Variants in ANXA7 observed in about 807,000 individuals in gnomAD.
The protein encoded by ANXA7 is annexin VII.
ANXA7 carries 55 observed loss-of-function variants against 64.9 expected under a neutral mutation model. That is an observed-to-expected ratio of 0.85 (90% CI 0.68 to 1.06). The LOEUF (loss-of-function observed/expected upper bound fraction) is 1.06. Among genes scored for constraint, ANXA7 ranks in the 50% least tolerant of loss-of-function variants. The probability of loss-of-function intolerance (pLI) is 0.00; values close to 1 mark genes in which losing one functional copy is unlikely to be tolerated. For missense variants in ANXA7, 548 were observed against 582.1 expected, an observed-to-expected ratio of 0.94 and a Z score of 0.60; for synonymous variants, 200 against 192.4, an observed-to-expected ratio of 1.04 and a Z score of -0.33.
chr10:73,380,941 G>A (rs911982768), intron 9 of ANXA7, among the ~76,000 whole-genome samples: 1 of 152,194 alleles, frequency 6.6e-6, no homozygotes, highest in Non-Finnish European at 1.5e-5. Context: ...GGACACAGGA[G>A]AGACAGGGTC....
At position 73,406,853 on chromosome 10, in the gene ANXA7, G is replaced by A. The variant is rs185107859; in HGVS notation, c.-1-5996C>T. On this transcript the variant is annotated intron_variant, in intron 1 of 12. Transcript: ENST00000372921. ...CCCAAAGTGCTAGGATTACAGGCATGAGCCACCACACCCACCCTCTATTTA... is the reference window on the plus strand; with the variant it reads ...CCCAAAGTGCTAGGATTACAGGCATAAGCCACCACACCCACCCTCTATTTA... Among the ~76,000 whole-genome samples, 18 of 152,178 alleles carry A rather than the reference G, an allele frequency of 1.2e-4. No individual in the cohort carries two copies. In the East Asian group the frequency reaches 3.5e-3, roughly 29 times the overall value.
In ANXA7 at chr10:73,387,701, G is replaced by C; in HGVS notation, c.621C>G (p.Thr207=). The C allele has an allele frequency of 1.2e-6, 2 of 1,613,736 alleles. No individual in the cohort carries two copies. Among genetic ancestry groups the C allele is most frequent in the East Asian group, 4.5e-5 (2 of 44,870 alleles). The change falls in exon 7 of 13, where the codon ACC becomes ACG. Residue 207 remains threonine, a synonymous_variant. Transcript: ENST00000372921. ...QRQKIKAAFK[T]SYGKDLIKDL... is the part of the protein sequence containing the mutation. ...AAGAAAAACATACCTTGCCATAGGA[G>C]GTCTTAAATGCTGCTTTAATTTTTT...
At chr10:73,408,954 A>G (rs535857986) in intron 1 of ANXA7, among the ~76,000 whole-genome samples, 1 of 152,360 alleles carries the variant, frequency 6.6e-6, no homozygotes, top group African/African-American at 2.4e-5. Context: ...CAGAAAAAGC[A>G]TTCAACAAAA....
At chr10:73,391,146 G>A (rs556146795) in intron 5 of ANXA7, among the ~76,000 whole-genome samples, 2 of 148,092 alleles carry the variant, frequency 1.4e-5, no homozygotes, top group East Asian at 4.1e-4. Flanking sequence ...CTCTAGCCTG[G>A]CAACAGAGTG....
chr10:73,412,196 C>T (rs1418246054), intron 1 of ANXA7, among the ~76,000 whole-genome samples: 1 of 151,972 alleles, frequency 6.6e-6, no homozygotes, highest in Admixed American at 6.6e-5. Context: ...GCCACCACGC[C>T]CGGCTAATTT....
At chr10:73,387,954 C>A (rs1018014720) in intron 6 of ANXA7, among the ~76,000 whole-genome samples, 171 bp from the exon 7 acceptor site, 2 of 150,534 alleles carry the variant, frequency 1.3e-5, no homozygotes, top group African/African-American at 4.9e-5. Context: ...CAGGTTCAAG[C>A]AATTCTCCTG....
intron 1 of ANXA7, among the ~76,000 whole-genome samples, chr10:73,411,942 CTT>C (rs1433498000): frequency 6.6e-6 from 1 of 151,576 alleles, no homozygotes; most frequent in Non-Finnish European, 1.5e-5. Flanking sequence ...CTGATTTTGA[CTT>C]ATAGAATATC....
intron 7 of ANXA7, among the ~76,000 whole-genome samples, chr10:73,387,168 T>C (rs868703907): frequency 2.7e-4 from 41 of 152,134 alleles, no homozygotes; most frequent in African/African-American, 9.2e-4. Context: ...CATATGTGAC[T>C]GGGGTAAGGT....
intron 10 of ANXA7, 22 bp downstream of exon 10, chr10:73,380,008 AT>A (rs762979898): frequency 6.2e-6 from 10 of 1,611,568 alleles, no homozygotes; most frequent in Non-Finnish European, 7.6e-6. Flanking sequence ...CAGAAGCCAA[AT>A]CTTCAAAAGA....
chr10:73,390,711 TATATATATAAAA>T (rs1178291135), intron 5 of ANXA7, among the ~76,000 whole-genome samples: 97 of 114,744 alleles, frequency 8.5e-4, no homozygotes, highest in South Asian at 7.8e-3. Flanking sequence ...TATATATATA[TATATATATAAAA>T]ATATATATAT....
At position 73,376,085 on chromosome 10, in the gene ANXA7, A is replaced by C. The variant is rs2055164439; in HGVS notation, c.*10T>G. ...GAAATTTTTTTTCATTAAAAAAAAA[A>C]AAATCCCTCCTACTGGCCCACAATA... On this transcript the variant is annotated 3_prime_UTR_variant, in exon 13 of 13. Transcript: ENST00000372921. The C allele has an allele frequency of 1.3e-6, 2 of 1,535,372 alleles. No homozygotes were observed. Among genetic ancestry groups the C allele is most frequent in the Non-Finnish European group, 8.7e-7 (1 of 1,148,138 alleles).
intron 1 of ANXA7, among the ~76,000 whole-genome samples, chr10:73,405,934 A>C (rs1240579248): frequency 6.6e-6 from 1 of 151,928 alleles, no homozygotes; most frequent in Non-Finnish European, 1.5e-5. Flanking sequence ...ACTCCAGTAT[A>C]GTAAGAAACC....
intron 1 of ANXA7, among the ~76,000 whole-genome samples, chr10:73,409,651 G>A (rs2055809920): frequency 6.6e-6 from 1 of 152,086 alleles, no homozygotes; most frequent in African/African-American, 2.4e-5. Context: ...ATTTTTCACA[G>A]AATTAGAAAA....
chr10:73,402,469 T>C (rs2055682243), intron 1 of ANXA7, among the ~76,000 whole-genome samples: 1 of 152,218 alleles, frequency 6.6e-6, no homozygotes, highest in Admixed American at 6.5e-5. Flanking sequence ...CTCAAAGTGC[T>C]GGGATTACAG....
intron 1 of ANXA7, among the ~76,000 whole-genome samples, 186 bp from the exon 2 acceptor site, chr10:73,401,043 C>T (rs951184832): frequency 4.0e-5 from 6 of 151,820 alleles, no homozygotes; most frequent in Admixed American, 3.3e-4. Context: ...GTAGCTGGGA[C>T]TACAGGTGCA....
At chr10:73,390,567 T>G (rs1332376576) in intron 5 of ANXA7, among the ~76,000 whole-genome samples, 1 of 151,806 alleles carries the variant, frequency 6.6e-6, no homozygotes, top group African/African-American at 2.4e-5. Flanking sequence ...TTTCCTTTGA[T>G]GTAACCGCTG....
chr10:73,380,472 A>G (rs1381909639), intron 9 of ANXA7, among the ~76,000 whole-genome samples: 1 of 151,944 alleles, frequency 6.6e-6, no homozygotes, highest in Non-Finnish European at 1.5e-5. Context: ...ATGTCTCACT[A>G]TGTTGCCCAG....
In ANXA7 at chr10:73,380,085, G is replaced by T; in HGVS notation, c.1035C>A (p.Ile345=). 5.6e-6 allele frequency: 9 copies of T among 1,614,132 alleles called. No individual in the cohort carries two copies. The highest frequency in any genetic ancestry group is 7.6e-6 in the Non-Finnish European group (9 of 1,180,030). ...GCTGAGGAAAGCTTCTTGTGGCAAG[G>T]ATCATGTTAAAGCAAGATTCATCGG... is the stretch of plus-strand genomic sequence containing the variant. ...LGTDESCFNM[I]LATRSFPQLR... The change falls in exon 10 of 13, where the codon ATC becomes ATA. Residue 345 remains isoleucine, a synonymous_variant. Transcript: ENST00000372921.
Position 73,383,659 on chromosome 10 carries a change from C to G in ANXA7, c.665G>C (p.Ser222Thr), listed in dbSNP as rs745872465. The G allele has an allele frequency of 3.7e-6, 6 of 1,613,170 alleles. No individual in the cohort carries two copies. Among genetic ancestry groups the G allele is most frequent in the Non-Finnish European group, 5.1e-6 (6 of 1,179,206 alleles). The change falls in exon 8 of 13, where the codon AGT (serine) becomes ACT (threonine). Residue 222 changes from serine (S) to threonine (T), a missense_variant. Ser to Thr is a moderately conservative substitution (Grantham distance 58). Coordinates refer to ENST00000372921, the MANE Select transcript of ANXA7 (RefSeq NM_001156.5). ...CAGGATCAGTTCTTCCATATTTCCA[C>G]TTAACTCTGATTTGAGATCTTTGAT... is the stretch of plus-strand genomic sequence containing the variant. ...DLIKDLKSEL[S>T]GNMEELILAL...
Sources: allele counts gnomAD v4.1 joint callset (sites outside exome capture counted in the v4.1 genomes callset), GRCh38; gene constraint gnomAD v4.1.1; transcripts MANE v1.5; gene names NCBI Gene and HGNC (gene_info 2026-07-23, HGNC 2026-07-21).